KCNN2: variants seen among roughly 807,000 people sequenced by gnomAD.
The protein encoded by KCNN2 is potassium calcium-activated channel subfamily N member 2.
In KCNN2, 24 loss-of-function variants were observed where a neutral mutation model predicts 55.5. The observed-to-expected ratio is 0.43, with a 90% CI of 0.31 to 0.61. KCNN2 has a LOEUF of 0.61. KCNN2 is among the 20% of genes least tolerant of loss of function. The pLI is 0.08. For missense variants in KCNN2, 754 were observed against 853.6 expected, an observed-to-expected ratio of 0.88 and a Z score of 1.45; for synonymous variants, 431 against 336.1, an observed-to-expected ratio of 1.28 and a Z score of -3.09.
intron 2 of KCNN2, among the ~76,000 whole-genome samples, chr5:114,258,164 G>A (rs1755019122): frequency 6.6e-6 from 1 of 151,992 alleles, no homozygotes; most frequent in Admixed American, 6.6e-5. Context: ...TGCATATGTT[G>A]AACCATCTTC....
At chr5:114,394,110 C>T (rs1231054541) in intron 2 of KCNN2, among the ~76,000 whole-genome samples, 4 of 152,162 alleles carry the variant, frequency 2.6e-5, no homozygotes, top group African/African-American at 7.2e-5. Flanking sequence ...TACCAATTTA[C>T]ACTTCTGCCT....
chr5:114,145,571 C>A (rs957909362), intron 1 of KCNN2, among the ~76,000 whole-genome samples: 1 of 152,024 alleles, frequency 6.6e-6, no homozygotes, highest in Non-Finnish European at 1.5e-5. Flanking sequence ...TTAGTGGGTC[C>A]CAGGAACAAA....
At chr5:114,285,763 A>G (rs1375831068) in intron 2 of KCNN2, among the ~76,000 whole-genome samples, 1 of 152,158 alleles carries the variant, frequency 6.6e-6, no homozygotes, top group Non-Finnish European at 1.5e-5. Flanking sequence ...GAAGATGGAA[A>G]ATGCTGAAAT....
intron 2 of KCNN2, among the ~76,000 whole-genome samples, chr5:114,276,510 C>T (rs749020888): frequency 2.4e-4 from 37 of 152,090 alleles, no homozygotes; most frequent in Non-Finnish European, 3.7e-4. Context: ...AATCTGGGTG[C>T]TCCTGTATTG....
At chr5:114,079,005 A>C (rs1057377650) in intron 1 of KCNN2, among the ~76,000 whole-genome samples, 1 of 152,156 alleles carries the variant, frequency 6.6e-6, no homozygotes, top group African/African-American at 2.4e-5. Context: ...TTTGTGGTGC[A>C]GGAGATTTGG....
intron 3 of KCNN2, among the ~76,000 whole-genome samples, chr5:114,461,315 C>A (rs1761177903): frequency 1.3e-5 from 2 of 152,198 alleles, no homozygotes; most frequent in Admixed American, 1.3e-4. Context: ...CCAAGACCTT[C>A]TGGGGAGAGG....
chr5:114,331,361 T>C (rs534801818), intron 2 of KCNN2, among the ~76,000 whole-genome samples: 22 of 152,248 alleles, frequency 1.4e-4, no homozygotes, highest in African/African-American at 4.8e-4. Context: ...CCCCTCTCAG[T>C]GTGAAGAAGG....
intron 1 of KCNN2, among the ~76,000 whole-genome samples, chr5:114,213,645 A>G (rs1753936286): frequency 6.6e-6 from 1 of 151,944 alleles, no homozygotes; most frequent in Non-Finnish European, 1.5e-5. Context: ...TTTCATTCCC[A>G]GCAATGGCTA....
At chr5:114,418,023 A>G (rs1468332823) in intron 3 of KCNN2, among the ~76,000 whole-genome samples, 1 of 152,190 alleles carries the variant, frequency 6.6e-6, no homozygotes, top group South Asian at 2.1e-4. Context: ...ACAGATGTGT[A>G]CCTATCAGTT....
At chr5:114,206,138 A>G (rs1189038114) in intron 1 of KCNN2, among the ~76,000 whole-genome samples, 1 of 152,144 alleles carries the variant, frequency 6.6e-6, no homozygotes, top group Non-Finnish European at 1.5e-5. Context: ...TTTTGTTTTT[A>G]CAAAGTAAAA....
In KCNN2 at chr5:114,342,108, A is replaced by G. The variant is rs1461174489; in HGVS notation, c.-184-18837A>G. Among the ~76,000 whole-genome samples, 4 of 152,032 alleles carry G rather than the reference A, an allele frequency of 2.6e-5. No homozygotes were observed. The East Asian group carries it at 7.7e-4, about 29-fold the overall frequency. On this transcript the variant is annotated intron_variant, in intron 2 of 10. Transcript: ENST00000512097. ...AGTAGAGACGGGGTTTCGCCGTGTTAGCCAGGATGGTCTCGATCTCCTGAC... is the reference window on the plus strand; with the variant it reads ...AGTAGAGACGGGGTTTCGCCGTGTTGGCCAGGATGGTCTCGATCTCCTGAC...
Position 114,200,460 on chromosome 5 carries a change from G to C in KCNN2, c.-270-21020G>C, listed in dbSNP as rs577334955. On this transcript the variant is annotated intron_variant, in intron 1 of 10. Coordinates refer to the KCNN2 transcript ENST00000512097. ...TTATATCGTTTTTCTGATTTCTCTT[G>C]CATCTCACTGAGCTTCTTTAAAATC... Among the ~76,000 whole-genome samples the C allele has an allele frequency of 1.8e-4, 27 of 150,882 alleles. No homozygotes were observed. In the South Asian group the frequency reaches 4.8e-3, roughly 27 times the overall value.
At chr5:114,350,080 C>A (rs559064657) in intron 2 of KCNN2, among the ~76,000 whole-genome samples, 3 of 151,772 alleles carry the variant, frequency 2.0e-5, no homozygotes, top group African/African-American at 7.2e-5. Context: ...AGAGATTTTG[C>A]CTTTGGCTTA....
chr5:114,208,785 T>C (rs1389166943), intron 1 of KCNN2, among the ~76,000 whole-genome samples: 2 of 152,222 alleles, frequency 1.3e-5, no homozygotes, highest in Non-Finnish European at 2.9e-5. Context: ...CAATGCTTGA[T>C]GTGTATTTTT....
intron 2 of KCNN2, among the ~76,000 whole-genome samples, chr5:114,306,834 G>A (rs1236993711): frequency 6.6e-6 from 1 of 151,664 alleles, no homozygotes; most frequent in Non-Finnish European, 1.5e-5. Context: ...CTGAGAAGCT[G>A]GAACTACAGG....
At chr5:114,369,394 G>T (rs2150049847) in intron 2 of KCNN2, among the ~76,000 whole-genome samples, 2 of 152,282 alleles carry the variant, frequency 1.3e-5, no homozygotes, top group Admixed American at 1.3e-4. Context: ...TATTATCTCA[G>T]TTAAAAAATT....
chr5:114,138,056 C>T (rs1419469620), intron 1 of KCNN2, among the ~76,000 whole-genome samples: 1 of 152,106 alleles, frequency 6.6e-6, no homozygotes, highest in Non-Finnish European at 1.5e-5. Context: ...TTCCAGTTTA[C>T]TGTCGTTGAT....
intron 2 of KCNN2, among the ~76,000 whole-genome samples, chr5:114,297,313 G>A (rs773724139): frequency 3.9e-5 from 6 of 151,938 alleles, no homozygotes; most frequent in Non-Finnish European, 7.4e-5. Flanking sequence ...GCAAGTCTCT[G>A]TCTCTAAAAT....
intron 3 of KCNN2, among the ~76,000 whole-genome samples, chr5:114,449,924 G>A (rs1194688046): frequency 1.2e-4 from 17 of 143,168 alleles, no homozygotes; most frequent in East Asian, 4.1e-4. Context: ...GCGCTCGCGT[G>A]CGCGCACTCT....
Sources: allele counts gnomAD v4.1 joint callset (sites outside exome capture counted in the v4.1 genomes callset), GRCh38; gene constraint gnomAD v4.1.1; transcripts MANE v1.5; gene names NCBI Gene and HGNC (gene_info 2026-07-23, HGNC 2026-07-21).